Variants in PKNOX2 observed in about 807,000 individuals in gnomAD.
PKNOX2 encodes the protein homeobox protein PKNOX2.
Under a neutral mutation model 53.1 loss-of-function variants are expected in PKNOX2, and 14 were observed. The ratio of observed to expected loss-of-function variants is 0.26; its 90% CI spans 0.17 to 0.41. PKNOX2 has a LOEUF of 0.41. PKNOX2 is among the 10% of genes least tolerant of loss of function. PKNOX2 has a pLI of 1.00. For synonymous variants in PKNOX2, 257 were observed against 242.8 expected (o/e 1.06, Z -0.54); for missense variants, 496 against 602.8 (o/e 0.82, Z 1.85).
chr11:125,255,359 T>G (rs2135701755), intron 2 of PKNOX2, among the ~76,000 whole-genome samples: 1 of 152,250 alleles, frequency 6.6e-6, no homozygotes, highest in African/African-American at 2.4e-5. Context: ...TATCATGAGG[T>G]TGGGCATTTG....
At chr11:125,266,774 A>G (rs1249289646) in intron 2 of PKNOX2, 1 of 152,220 alleles carries the variant, frequency 6.6e-6, no homozygotes, top group East Asian at 1.9e-4. Flanking sequence ...ATCCACATGC[A>G]AGGTCTGGAG....
chr11:125,300,524 A>G (rs139872586), intron 2 of PKNOX2, among the ~76,000 whole-genome samples: 1 of 152,322 alleles, frequency 6.6e-6, no homozygotes, highest in African/African-American at 2.4e-5. Context: ...GCTCTTAATC[A>G]CCATTACATG....
chr11:125,333,214 G>A (rs374486369), intron 3 of PKNOX2, among the ~76,000 whole-genome samples: 3 of 152,206 alleles, frequency 2.0e-5, no homozygotes, highest in Non-Finnish European at 2.9e-5. Flanking sequence ...TGGTGAATCC[G>A]TGTGAAGTGT....
rs146669637 is a variant in PKNOX2, at chr11:125,199,155, T to A, written c.-201+34379T>A. 8.6e-3 allele frequency among the ~76,000 whole-genome samples: 1,310 copies of A among 152,218 alleles called. 15 individuals are homozygous for A. Among genetic ancestry groups the A allele is most frequent in the African/African-American group, 0.029 (1,184 of 41,518 alleles). On this transcript the variant is annotated intron_variant, in intron 1 of 12. Transcript: ENST00000298282. ...CACGCCCAGCCTTCTTCCCTTTTTTTCTCCTCTTTGGTAGTTGATCTCACC... is the reference window on the plus strand; with the variant it reads ...CACGCCCAGCCTTCTTCCCTTTTTTACTCCTCTTTGGTAGTTGATCTCACC...
At chr11:125,302,878 C>T (rs999767540) in intron 2 of PKNOX2, among the ~76,000 whole-genome samples, 21 of 152,220 alleles carry the variant, frequency 1.4e-4, no homozygotes, top group African/African-American at 4.6e-4. Flanking sequence ...TCCTTGGAGG[C>T]GGCAGAACCA....
rs573621172 is a variant in PKNOX2 at position 125,418,660 on chromosome 11, G to A, written c.936+6795G>A. Among the ~76,000 whole-genome samples, 57 of 152,062 alleles carry A rather than the reference G, an allele frequency of 3.7e-4. 1 individual carries two copies. The highest frequency in any genetic ancestry group is 1.2e-3 in the African/African-American group (50 of 41,352). On this transcript the variant is annotated intron_variant, in intron 10 of 12. Coordinates refer to ENST00000298282, the MANE Select transcript of PKNOX2 (RefSeq NM_001382323.2). ...TCACTCCACATTCTTTGCATGCCTC[G>A]CTACCTCCCCTGCGCAGAGCATTGT...
chr11:125,187,157 C>A (rs559021276), intron 1 of PKNOX2, among the ~76,000 whole-genome samples: 2 of 152,100 alleles, frequency 1.3e-5, no homozygotes, highest in Non-Finnish European at 2.9e-5. Flanking sequence ...AGATTTCCAA[C>A]TTTGTTCCTC....
chr11:125,346,989 T>A (rs1418038348), intron 3 of PKNOX2, among the ~76,000 whole-genome samples: 1 of 151,906 alleles, frequency 6.6e-6, no homozygotes, highest in Non-Finnish European at 1.5e-5. Context: ...GAGGGTAACA[T>A]CACTGCAAAG....
rs867157028 is a variant in PKNOX2 at position 125,226,318 on chromosome 11, G to C, written c.-200-8727G>C. ...GATTTTTAACCTCTCAGGGGATGTG[G>C]ATAGCCTTGAAATCTTGGTAAAATC... On this transcript the variant is annotated intron_variant, in intron 1 of 12. Coordinates refer to ENST00000298282, the MANE Select transcript of PKNOX2 (RefSeq NM_001382323.2). Among the ~76,000 whole-genome samples the C allele has an allele frequency of 2.0e-5, 3 of 152,148 alleles. No individual in the cohort carries two copies. In the South Asian group the frequency reaches 6.2e-4, roughly 32 times the overall value.
chr11:125,404,569 C>G (rs73621218), intron 7 of PKNOX2, among the ~76,000 whole-genome samples: 2,212 of 152,148 alleles, frequency 0.015, 55 homozygotes, highest in African/African-American at 0.05. Context: ...ACAGGGACAA[C>G]CTCTCCACCC....
At chr11:125,255,365 A>G (rs942979834) in intron 2 of PKNOX2, among the ~76,000 whole-genome samples, 1 of 152,196 alleles carries the variant, frequency 6.6e-6, no homozygotes, top group Non-Finnish European at 1.5e-5. Flanking sequence ...GAGGTTGGGC[A>G]TTTGAAATGA....
At chr11:125,402,839 C>T (rs1227206027) in intron 7 of PKNOX2, among the ~76,000 whole-genome samples, 7 of 152,198 alleles carry the variant, frequency 4.6e-5, no homozygotes, top group Non-Finnish European at 1.5e-5. Flanking sequence ...CCAGCCCTCA[C>T]ACCTTCATGG....
At chr11:125,223,282 T>C (rs1941396021) in intron 1 of PKNOX2, among the ~76,000 whole-genome samples, 1 of 151,982 alleles carries the variant, frequency 6.6e-6, no homozygotes, top group African/African-American at 2.4e-5. Flanking sequence ...TAGGCTGGAA[T>C]GCAATGGCGC....
intron 4 of PKNOX2, among the ~76,000 whole-genome samples, chr11:125,354,043 G>A (rs1424920421): frequency 6.6e-6 from 1 of 152,152 alleles, no homozygotes; most frequent in South Asian, 2.1e-4. Flanking sequence ...CCACTCTTTC[G>A]GGCTTCTAGG....
At chr11:125,351,421 C>G in intron 4 of PKNOX2, 29 bp downstream of exon 4, 1 of 1,425,398 alleles carries the variant, frequency 7.0e-7, no homozygotes, top group Non-Finnish European at 9.8e-7. Flanking sequence ...CTGCCTCCCA[C>G]CACGGGGGAG....
chr11:125,384,764 G>A (rs372059866), intron 5 of PKNOX2, among the ~76,000 whole-genome samples: 14 of 151,110 alleles, frequency 9.3e-5, no homozygotes, highest in East Asian at 3.9e-4. Flanking sequence ...CCCCCGCCCC[G>A]ACCACCACAC....
intron 2 of PKNOX2, among the ~76,000 whole-genome samples, chr11:125,252,966 A>G (rs953588559): frequency 3.3e-5 from 5 of 152,220 alleles, no homozygotes; most frequent in African/African-American, 1.2e-4. Flanking sequence ...ACTCATACCA[A>G]GGCCTTCGGC....
intron 10 of PKNOX2, among the ~76,000 whole-genome samples, chr11:125,426,917 T>TCACAG (rs775713900): frequency 1.3e-5 from 2 of 152,142 alleles, no homozygotes. Flanking sequence ...CTGTGATCTG[T>TCACAG]GGCAGGCCCT....
intron 2 of PKNOX2, among the ~76,000 whole-genome samples, chr11:125,266,464 A>G (rs1312504184): frequency 6.6e-6 from 1 of 152,144 alleles, no homozygotes; most frequent in Non-Finnish European, 1.5e-5. Context: ...AGAGGCTGGA[A>G]GACAGCCCTG....
Sources: allele counts gnomAD v4.1 joint callset (sites outside exome capture counted in the v4.1 genomes callset), GRCh38; gene constraint gnomAD v4.1.1; transcripts MANE v1.5; gene names NCBI Gene and HGNC (gene_info 2026-07-23, HGNC 2026-07-21).